Variants in FBXO21 observed in about 807,000 individuals in gnomAD.
The protein encoded by FBXO21 is F-box only protein 21.
A neutral mutation model predicts 76.6 loss-of-function variants in FBXO21; 32 were observed. The ratio of observed to expected loss-of-function variants is 0.42; its 90% CI spans 0.32 to 0.56. The LOEUF is 0.56. Among genes scored for constraint, FBXO21 ranks in the 20% least tolerant of loss-of-function variants. The pLI, the probability that FBXO21 is intolerant of heterozygous loss-of-function variation, is 0.16. For synonymous variants in FBXO21, 328 were observed against 311.5 expected (o/e 1.05, Z -0.56); for missense variants, 586 against 797.3 (o/e 0.73, Z 3.19).
chr12:117,182,562 A>ATATT (rs1162348126), intron 3 of FBXO21, among the ~76,000 whole-genome samples: 1 of 81,330 alleles, frequency 1.2e-5, no homozygotes, highest in South Asian at 5.0e-4. Context: ...CAGCAAGAGG[A>ATATT]TCTTTTTTTT....
At chr12:117,160,621 A>T (rs2135857946) in intron 9 of FBXO21, among the ~76,000 whole-genome samples, 1 of 152,248 alleles carries the variant, frequency 6.6e-6, no homozygotes, top group East Asian at 1.9e-4. Flanking sequence ...ATATCTAATG[A>T]AGTTCTGCCA....
chr12:117,186,331 T>C (rs1260896178), intron 3 of FBXO21, 146 bp downstream of exon 3: 2 of 657,496 alleles, frequency 3.0e-6, no homozygotes, highest in Admixed American at 2.8e-5. Context: ...ATCTACCTAA[T>C]ATACACAGAA....
intron 7 of FBXO21, 131 bp from the exon 8 acceptor site, chr12:117,167,208 C>A: frequency 1.4e-6 from 1 of 721,256 alleles, no homozygotes; most frequent in Non-Finnish European, 2.3e-6. Flanking sequence ...AGGTCTTGTC[C>A]AAGTTTAAAA....
intron 2 of FBXO21, among the ~76,000 whole-genome samples, chr12:117,187,728 C>A (rs1956297919): frequency 6.6e-6 from 1 of 152,230 alleles, no homozygotes; most frequent in Admixed American, 6.5e-5. Flanking sequence ...AAAACATACA[C>A]AAAACCAGCT....
At chr12:117,148,297 T>C (rs752794335) in intron 11 of FBXO21, among the ~76,000 whole-genome samples, 5 of 152,228 alleles carry the variant, frequency 3.3e-5, no homozygotes, top group Non-Finnish European at 7.3e-5. Context: ...AGACACGTCA[T>C]GTGCAGAGAT....
intron 2 of FBXO21, 124 bp from the exon 3 acceptor site, chr12:117,186,695 T>C: frequency 3.4e-6 from 2 of 595,640 alleles, no homozygotes; most frequent in South Asian, 2.2e-5. Flanking sequence ...TATTCTACAC[T>C]ACCTTGCACT....
intron 6 of FBXO21, 138 bp downstream of exon 6, chr12:117,174,067 T>G (rs1592889393): frequency 1.5e-6 from 1 of 679,696 alleles, no homozygotes; most frequent in Non-Finnish European, 2.5e-6. Flanking sequence ...AGCCCAGGAG[T>G]TTGAGGTTGC....
chr12:117,165,770 C>G (rs1956047238), intron 8 of FBXO21, among the ~76,000 whole-genome samples, 153 bp from the exon 9 acceptor site: 1 of 151,898 alleles, frequency 6.6e-6, no homozygotes, highest in Non-Finnish European at 1.5e-5. Flanking sequence ...AGATACAATG[C>G]TCTTAAGAAA....
chr12:117,187,041 G>A (rs185381268), intron 2 of FBXO21, among the ~76,000 whole-genome samples: 61 of 152,076 alleles, frequency 4.0e-4, no homozygotes, highest in African/African-American at 1.1e-3. Context: ...ACTTGAACCC[G>A]GGAGGCGGAG....
intron 9 of FBXO21, among the ~76,000 whole-genome samples, chr12:117,158,466 G>GT (rs1213664093): frequency 6.6e-6 from 1 of 152,144 alleles, no homozygotes; most frequent in African/African-American, 2.4e-5. Flanking sequence ...GAGAATCCAC[G>GT]TTTTTTCAAT....
At chr12:117,189,127 G>A (rs1956318876) in intron 2 of FBXO21, 100 bp downstream of exon 2, 1 of 1,366,646 alleles carries the variant, frequency 7.3e-7, no homozygotes, top group African/African-American at 1.4e-5. Context: ...TGAGAGCATT[G>A]AAAAGGGAGA....
intron 3 of FBXO21, among the ~76,000 whole-genome samples, chr12:117,185,911 C>T (rs1363571360): frequency 1.3e-5 from 2 of 152,160 alleles, no homozygotes; most frequent in African/African-American, 4.8e-5. Context: ...TTGCTCTTGT[C>T]CCCCAGTCTG....
rs1410499230 is a variant in FBXO21, at chr12:117,181,612, T to TCTAC, written c.471-3972_471-3971insGTAG. 5.7e-3 allele frequency among the ~76,000 whole-genome samples: 828 copies of TCTAC among 145,892 alleles called. 32 individuals carry two copies. The East Asian group carries it at 0.12, about 20-fold the overall frequency. ...CTATCTGAGACAGTCTATCTATCTA[T>TCTAC]CTATCTATCTATCTATCTATCTATC... On this transcript the variant is annotated intron_variant, in intron 3 of 11. Transcript: ENST00000622495.
chr12:117,179,874 C>A (rs1311003992), intron 3 of FBXO21, among the ~76,000 whole-genome samples: 1 of 152,192 alleles, frequency 6.6e-6, no homozygotes, highest in East Asian at 1.9e-4. Context: ...ATGGAAAAGG[C>A]AGGATAAATG....
chr12:117,155,385 C>T, intron 11 of FBXO21: 1 of 188,806 alleles, frequency 5.3e-6, no homozygotes, highest in Non-Finnish European at 1.1e-5. Flanking sequence ...ACGAGGGCAT[C>T]TCCGGCGTCA....
At chr12:117,167,206 T>C in intron 7 of FBXO21, 129 bp from the exon 8 acceptor site, 2 of 727,896 alleles carry the variant, frequency 2.7e-6, no homozygotes, top group Admixed American at 2.6e-5. Context: ...GAAGGTCTTG[T>C]CCAAGTTTAA....
At chr12:117,174,407 C>T in intron 5 of FBXO21, 66 bp from the exon 6 acceptor site, 1 of 1,546,768 alleles carries the variant, frequency 6.5e-7, no homozygotes, top group Non-Finnish European at 8.9e-7. Context: ...CCCCAAACAA[C>T]TCACAACATG....
intron 3 of FBXO21, 128 bp downstream of exon 3, chr12:117,186,349 A>G (rs1025834554): frequency 2.9e-6 from 2 of 701,626 alleles, no homozygotes; most frequent in Non-Finnish European, 2.5e-6. Context: ...GAACTTTTCA[A>G]AACTGTAACT....
At chr12:117,155,721 C>A in intron 11 of FBXO21, 70 bp downstream of exon 11, 1 of 1,503,734 alleles carries the variant, frequency 6.7e-7, no homozygotes. Context: ...ACAGTACCTA[C>A]CCGAGGGCTC....
Sources: allele counts gnomAD v4.1 joint callset (sites outside exome capture counted in the v4.1 genomes callset), GRCh38; gene constraint gnomAD v4.1.1; transcripts MANE v1.5; gene names NCBI Gene and HGNC (gene_info 2026-07-23, HGNC 2026-07-21).